IL1RAPL2: variants seen among roughly 807,000 people sequenced by gnomAD.
IL1RAPL2 encodes the protein X-linked interleukin-1 receptor accessory protein-like 2.
A neutral mutation model predicts 44.1 loss-of-function variants in IL1RAPL2; 3 were observed. The observed-to-expected ratio is 0.07, with a 90% confidence interval of 0.03 to 0.18. The LOEUF (loss-of-function observed/expected upper bound fraction) is 0.18, where lower values mean the gene tolerates loss of function less well. IL1RAPL2 is among the 10% of genes least tolerant of loss of function. IL1RAPL2 has a pLI of 1.00. For synonymous variants in IL1RAPL2, 181 were observed against 178.8 expected (o/e 1.01, Z -0.10); for missense variants, 391 against 496.4 (o/e 0.79, Z 2.02).
At chrX:104,596,028 C>T (rs1472661976) in intron 1 of IL1RAPL2, among the ~76,000 whole-genome samples, 1 of 110,499 alleles carries the variant, frequency 9.0e-6, no homozygotes, top group Non-Finnish European at 1.9e-5. Flanking sequence ...TGGATCCCTT[C>T]TCAGAAAACT....
intron 2 of IL1RAPL2, among the ~76,000 whole-genome samples, chrX:104,903,547 G>A (rs776049813): frequency 9.0e-6 from 1 of 111,328 alleles, no homozygotes; most frequent in African/African-American, 3.3e-5. Context: ...TGGACCCTTT[G>A]AGGTCAGTTG....
chrX:105,341,192 G>A (rs2035067285), intron 5 of IL1RAPL2, among the ~76,000 whole-genome samples: 1 of 111,367 alleles, frequency 9.0e-6, no homozygotes, highest in Non-Finnish European at 1.9e-5. Flanking sequence ...GTAAGTGCTT[G>A]TTCATACATA....
At chrX:105,524,554 T>C (rs1212928268) in intron 6 of IL1RAPL2, among the ~76,000 whole-genome samples, 1 of 110,115 alleles carries the variant, frequency 9.1e-6, no homozygotes, top group Admixed American at 9.8e-5. Flanking sequence ...ATACTAGATA[T>C]GATAATTACA....
chrX:105,681,886 T>A (rs1327852983), intron 6 of IL1RAPL2, among the ~76,000 whole-genome samples: 2 of 111,933 alleles, frequency 1.8e-5, no homozygotes, highest in Non-Finnish European at 3.8e-5. Flanking sequence ...TCTGAGACAG[T>A]CATCCTTTTT....
At chrX:105,047,318 T>A (rs2031853309) in intron 2 of IL1RAPL2, among the ~76,000 whole-genome samples, 1 of 112,047 alleles carries the variant, frequency 8.9e-6, no homozygotes, top group African/African-American at 3.2e-5. Flanking sequence ...TAATTCAAAC[T>A]ATTAATTTTG....
At chrX:105,748,113 T>A (rs2038565083) in intron 8 of IL1RAPL2, among the ~76,000 whole-genome samples, 1 of 111,758 alleles carries the variant, frequency 8.9e-6, no homozygotes, top group Non-Finnish European at 1.9e-5. Flanking sequence ...CATCTTTTGA[T>A]GATACACTCT....
intron 2 of IL1RAPL2, among the ~76,000 whole-genome samples, chrX:105,049,913 T>TA (rs1005449023): frequency 7.3e-5 from 8 of 109,891 alleles, no homozygotes; most frequent in South Asian, 3.8e-4. Flanking sequence ...AGTTCTTAAT[T>TA]AAAAAAAAAT....
intron 2 of IL1RAPL2, among the ~76,000 whole-genome samples, chrX:105,032,256 T>C (rs1436241075): frequency 1.8e-5 from 2 of 109,023 alleles, no homozygotes; most frequent in Non-Finnish European, 3.8e-5. Context: ...AGTTATTTCT[T>C]GCCTTCTGCT....
At chrX:105,028,573 C>G (rs983418570) in intron 2 of IL1RAPL2, among the ~76,000 whole-genome samples, 1 of 111,191 alleles carries the variant, frequency 9.0e-6, no homozygotes, top group African/African-American at 3.3e-5. Context: ...CATGCAAAAG[C>G]AGTGTGTGAG....
intron 6 of IL1RAPL2, among the ~76,000 whole-genome samples, chrX:105,599,352 A>G (rs1377648262): frequency 9.0e-6 from 1 of 111,634 alleles, no homozygotes; most frequent in African/African-American, 3.3e-5. Flanking sequence ...ATTAAATTGC[A>G]TAGAAACTCA....
intron 5 of IL1RAPL2, among the ~76,000 whole-genome samples, chrX:105,304,175 T>G (rs946402857): frequency 8.9e-6 from 1 of 112,595 alleles, no homozygotes; most frequent in Non-Finnish European, 1.9e-5. Context: ...CATTGCCCAA[T>G]GCACACAGCA....
chrX:105,283,341 A>C (rs1389936924), intron 5 of IL1RAPL2, among the ~76,000 whole-genome samples: 1 of 111,551 alleles, frequency 9.0e-6, no homozygotes, highest in Admixed American at 9.6e-5. Flanking sequence ...GGGATGGCCT[A>C]CTTGAACAAA....
At chrX:104,946,409 A>AAAAAAAAAAATT (rs1163144267) in intron 2 of IL1RAPL2, among the ~76,000 whole-genome samples, 16 of 84,961 alleles carry the variant, frequency 1.9e-4, no homozygotes, top group Admixed American at 4.1e-4. Context: ...AAAAAAAAAA[A>AAAAAAAAAAATT]CTTTTTAAAA....
chrX:105,673,321 C>G (rs1468846312), intron 6 of IL1RAPL2, among the ~76,000 whole-genome samples: 4 of 110,763 alleles, frequency 3.6e-5, no homozygotes, highest in Non-Finnish European at 7.5e-5. Context: ...CTCCCTACCC[C>G]CATCCCACTC....
intron 1 of IL1RAPL2, chrX:104,647,109 A>C (rs1016654420): frequency 2.4e-5 from 5 of 207,345 alleles, no homozygotes; most frequent in Non-Finnish European, 4.5e-5. Context: ...TTTCACAGTG[A>C]TTTCTGGGAT....
chrX:105,061,925 A>G (rs1227167490), intron 2 of IL1RAPL2, among the ~76,000 whole-genome samples: 1 of 111,472 alleles, frequency 9.0e-6, no homozygotes, highest in Non-Finnish European at 1.9e-5. Context: ...CTGTGTCTTT[A>G]TGTATGTCTC....
chrX:105,100,404 T>C (rs781315435), intron 2 of IL1RAPL2, among the ~76,000 whole-genome samples: 1 of 111,879 alleles, frequency 8.9e-6, no homozygotes, highest in Non-Finnish European at 1.9e-5. Context: ...AAATAAATAA[T>C]GGATGGAGGG....
At chrX:105,590,855 GTGTT>G (rs1362994641) in intron 6 of IL1RAPL2, among the ~76,000 whole-genome samples, 68 of 102,249 alleles carry the variant, frequency 6.7e-4, no homozygotes, top group African/African-American at 2.7e-3. Flanking sequence ...GTGTTTGTGT[GTGTT>G]TGTGTGTGTG....
chrX:104,904,749 G>A (rs1226099304), intron 2 of IL1RAPL2, among the ~76,000 whole-genome samples: 5 of 109,685 alleles, frequency 4.6e-5, no homozygotes, highest in South Asian at 4.1e-4. Context: ...TGTGAATAAT[G>A]CTGCAATAAA....
Sources: gnomAD v4.1 joint callset for allele counts (sites outside exome capture counted in the v4.1 genomes callset) on GRCh38, gnomAD v4.1.1 for gene constraint, MANE v1.5 for transcripts, NCBI Gene and HGNC (gene_info 2026-07-23, HGNC 2026-07-21) for gene names.